The following BATF3 variants were observed in gnomAD, a reference collection of about 807,000 sequenced individuals.
BATF3 encodes the protein basic leucine zipper ATF-like transcription factor 3, also known as basic leucine zipper transcriptional factor ATF-like 3.
Under a neutral mutation model 16.1 loss-of-function variants are expected in BATF3, and 8 were observed. The observed-to-expected ratio is 0.50, with a 90% CI of 0.29 to 0.90. The LOEUF is 0.90. BATF3 is among the 40% of genes least tolerant of loss of function. BATF3 has a pLI of 0.08. For missense variants in BATF3, 139 were observed against 167.0 expected (o/e 0.83, Z 0.92); for synonymous variants, 74 against 72.7 (o/e 1.02, Z -0.09).
At chr1:212,687,084 C>G in intron 2 of BATF3, 105 bp from the exon 3 acceptor site, 1 of 737,244 alleles carries the variant, frequency 1.4e-6, no homozygotes, top group Non-Finnish European at 2.4e-6. Flanking sequence ...TGTCTCATTA[C>G]GCATGTCCCC....
intron 2 of BATF3, among the ~76,000 whole-genome samples, chr1:212,693,284 G>A (rs1306571568): frequency 6.6e-6 from 1 of 152,204 alleles, no homozygotes; most frequent in Non-Finnish European, 1.5e-5. Flanking sequence ...TGGTTCTGCA[G>A]AAGGTTTGGG....
At position 212,694,113 on chromosome 1, in the gene BATF3, C is replaced by T. The variant is rs762889380; in HGVS notation, c.195+2848G>A. Among the ~76,000 whole-genome samples, 20 of 152,254 alleles carry T rather than the reference C, an allele frequency of 1.3e-4. No individual in the cohort carries two copies. In the East Asian group the frequency reaches 1.9e-3, roughly 15 times the overall value. ...TAACGCAGCCTGAGAAAAACGCAACCGGCCATTGCTGGCTCAAGGAGACTA... is the reference window on the plus strand; with the variant it reads ...TAACGCAGCCTGAGAAAAACGCAACTGGCCATTGCTGGCTCAAGGAGACTA... On this transcript the variant is annotated intron_variant, in intron 2 of 2. Coordinates refer to ENST00000243440, the MANE Select transcript of BATF3 (RefSeq NM_018664.3).
In BATF3 at chr1:212,686,855, C is replaced by T. The variant is rs768545729; in HGVS notation, c.320G>A (p.Cys107Tyr). The T allele has an allele frequency of 1.2e-6, 2 of 1,614,076 alleles. No individual in the cohort carries two copies. The highest frequency in any genetic ancestry group is 2.7e-5 in the African/African-American group (2 of 74,932). The change falls in exon 3 of 3, where the codon TGC (cysteine) becomes TAC (tyrosine). Residue 107 changes from cysteine (C) to tyrosine (Y), a missense_variant. Transcript: ENST00000243440. ...AGGCACTGGCACAAAGTTCATAGGGCAGAGCAGCAGCGGGCACATCTTCTC... is the reference window on the plus strand; with the variant it reads ...AGGCACTGGCACAAAGTTCATAGGGTAGAGCAGCAGCGGGCACATCTTCTC... Reference protein sequence around the residue: ...EHEKMCPLLLCPMNFVPVPPR... With the variant: ...EHEKMCPLLLYPMNFVPVPPR...
intron 2 of BATF3, among the ~76,000 whole-genome samples, chr1:212,694,950 A>C (rs1657090722): frequency 6.6e-6 from 1 of 152,206 alleles, no homozygotes; most frequent in Admixed American, 6.5e-5. Flanking sequence ...GAGTATGTAC[A>C]TTCTAAATTT....
intron 2 of BATF3, among the ~76,000 whole-genome samples, chr1:212,696,423 GGT>G (rs139095900): frequency 0.19 from 28,297 of 148,198 alleles, 3,216 homozygotes; most frequent in Non-Finnish European, 0.25. Context: ...GTTTCTGTAG[GGT>G]GTGTGTGTGT....
At chr1:212,687,261 G>A (rs755951978) in intron 2 of BATF3, among the ~76,000 whole-genome samples, 8 of 152,010 alleles carry the variant, frequency 5.3e-5, no homozygotes, top group East Asian at 3.9e-4. Context: ...ATCAATACAC[G>A]GAACATTTCA....
chr1:212,695,637 C>T (rs969040564), intron 2 of BATF3, among the ~76,000 whole-genome samples: 1 of 151,942 alleles, frequency 6.6e-6, no homozygotes. Context: ...AGCAAGATCC[C>T]GTCTCAAAAA....
At chr1:212,687,813 G>C (rs1352109876) in intron 2 of BATF3, among the ~76,000 whole-genome samples, 3 of 150,404 alleles carry the variant, frequency 2.0e-5, no homozygotes, top group Non-Finnish European at 4.4e-5. Context: ...TATAGTCTCA[G>C]GTACTCAAGA....
rs568416311 is a variant in BATF3 at position 212,686,519 on chromosome 1, A to G, written c.*272T>C. Reference sequence around the variant, plus strand: ...CAAATTCTAGAGGAAATGGCTCTGCATAACAGCAGAACCTACTAGCTGCCA... The same window carrying G: ...CAAATTCTAGAGGAAATGGCTCTGCGTAACAGCAGAACCTACTAGCTGCCA... On this transcript the variant is annotated 3_prime_UTR_variant, in exon 3 of 3. Transcript: ENST00000243440. 5.0e-5 allele frequency: 23 copies of G among 462,482 alleles called. No individual in the cohort carries two copies. In the Middle Eastern group the frequency reaches 2.3e-3, roughly 46 times the overall value. The allele number at this position is 462,482 out of a possible 1,614,324, so 28.6% of individuals were successfully genotyped here.
intron 2 of BATF3, among the ~76,000 whole-genome samples, chr1:212,693,366 C>G (rs113987328): frequency 2.0e-4 from 30 of 152,326 alleles, no homozygotes; most frequent in African/African-American, 7.0e-4. Flanking sequence ...TTGTGTGGAG[C>G]TAGTGAGGCT....
chr1:212,699,246 C>T lies in BATF3; in HGVS notation c.90+427G>A, dbSNP rs2102404910. Reference sequence around the variant, plus strand: ...CTGACTAGTCCGGCGTTCTCCATTCCCGCGGCAGCACCCCCCCCACCCGGG... The same window carrying T: ...CTGACTAGTCCGGCGTTCTCCATTCTCGCGGCAGCACCCCCCCCACCCGGG... On this transcript the variant is annotated intron_variant, in intron 1 of 2. Coordinates refer to ENST00000243440, the MANE Select transcript of BATF3 (RefSeq NM_018664.3). This position sits in a 1 kb window ranked among gnomAD's most constrained non-coding sequence, Gnocchi z 4.4. Among the ~76,000 whole-genome samples the T allele has an allele frequency of 6.9e-6, 1 of 143,896 alleles. No homozygotes were observed. Among genetic ancestry groups the T allele is most frequent in the Admixed American group, 6.9e-5 (1 of 14,598 alleles). The allele number at this position is 143,896 out of a possible 152,430, so 94.4% of individuals were successfully genotyped here. A position where few individuals can be genotyped will look rare whatever the true frequency, so the allele number is the denominator to read the frequency against.
intron 1 of BATF3, chr1:212,698,778 A>C (rs1369133494): frequency 6.6e-6 from 1 of 152,244 alleles, no homozygotes; most frequent in Non-Finnish European, 1.5e-5. Flanking sequence ...AGGTGAGCGA[A>C]AGTTAGAGAT....
At position 212,686,642 on chromosome 1, in the gene BATF3, T is replaced by G. The variant is rs1004356585; in HGVS notation, c.*149A>C. On this transcript the variant is annotated 3_prime_UTR_variant, in exon 3 of 3. Transcript: ENST00000243440. ...CTGTTGGATGTCGGGCTGAGCCCAG[T>G]CTGCAGGGAACACAGCTGGCTGGTC... The G allele has an allele frequency of 1.5e-6, 2 of 1,328,188 alleles. No individual in the cohort carries two copies. Among genetic ancestry groups the G allele is most frequent in the African/African-American group, 2.9e-5 (2 of 67,812 alleles). 82.3% of individuals were successfully genotyped at this position (1,328,188 alleles called of 1,614,324 possible). A position where few individuals can be genotyped will look rare whatever the true frequency, so the allele number is the denominator to read the frequency against.
intron 2 of BATF3, 41 bp downstream of exon 2, chr1:212,696,920 C>T: frequency 6.8e-7 from 1 of 1,470,244 alleles, no homozygotes; most frequent in Non-Finnish European, 9.5e-7. Context: ...AAGGCAGAGG[C>T]TGTGTGGCTC....
chr1:212,696,837 A>G, intron 2 of BATF3, 124 bp downstream of exon 2: 1 of 732,686 alleles, frequency 1.4e-6, no homozygotes. Context: ...GGCTGGAAGG[A>G]CCTGGCAGAA....
At chr1:212,687,218 A>G (rs920145535) in intron 2 of BATF3, among the ~76,000 whole-genome samples, 9 of 152,362 alleles carry the variant, frequency 5.9e-5, no homozygotes, top group Middle Eastern at 3.4e-3. Context: ...AGTATGATCC[A>G]GTGAGTTTTG....
intron 2 of BATF3, among the ~76,000 whole-genome samples, chr1:212,696,670 C>T (rs1044852618): frequency 1.3e-5 from 2 of 151,752 alleles, no homozygotes; most frequent in Non-Finnish European, 2.9e-5. Context: ...GAAGTAAGGA[C>T]GTGAGGGAAG....
chr1:212,690,712 C>T (rs1186078628), intron 2 of BATF3, among the ~76,000 whole-genome samples: 2 of 152,216 alleles, frequency 1.3e-5, no homozygotes, highest in Non-Finnish European at 2.9e-5. Flanking sequence ...CCCTCTAGCT[C>T]GAATTCTGCC....
At chr1:212,692,436 T>C (rs1363361472) in intron 2 of BATF3, among the ~76,000 whole-genome samples, 3 of 150,820 alleles carry the variant, frequency 2.0e-5, no homozygotes, top group African/African-American at 7.4e-5. Context: ...ATAGGTAGAG[T>C]ATGTGAGTGA....
Sources: allele counts gnomAD v4.1 joint callset (sites outside exome capture counted in the v4.1 genomes callset), GRCh38; gene constraint gnomAD v4.1.1; non-coding constraint Gnocchi (gnomAD v3.1); transcripts MANE v1.5; gene names NCBI Gene and HGNC (gene_info 2026-07-23, HGNC 2026-07-21).